Variants in THBS4 observed in about 807,000 individuals in gnomAD.
THBS4 encodes the protein thrombospondin 4, also known as thrombospondin-4.
THBS4 carries 90 observed loss-of-function variants against 115.7 expected under a neutral mutation model. The observed-to-expected ratio is 0.78, with a 90% confidence interval of 0.66 to 0.93. The LOEUF is 0.93. THBS4 is among the 40% of genes least tolerant of loss of function. The probability of loss-of-function intolerance (pLI) is 0.00; values close to 1 mark genes in which losing one functional copy is unlikely to be tolerated. For synonymous variants in THBS4, 460 were observed against 479.3 expected (o/e 0.96, Z 0.53); for missense variants, 1,087 against 1,232.7 (o/e 0.88, Z 1.77).
rs566281901 is a variant in THBS4 at position 80,003,473 on chromosome 5, C to A, written n.177+5046C>A. Among the ~76,000 whole-genome samples the A allele has an allele frequency of 2.0e-5, 3 of 152,222 alleles. No homozygotes were observed. The East Asian group carries it at 5.8e-4, about 29-fold the overall frequency. On this transcript the variant is annotated intron_variant and non_coding_transcript_variant, in intron 2 of 3. Coordinates refer to the THBS4 transcript ENST00000510218. ...ATGCTGTTTTCCTTATCAATTCTTA[C>A]CCTGATTGAGTAGCTCTCTACCTGT...
intron 2 of THBS4, among the ~76,000 whole-genome samples, chr5:80,000,699 CA>C (rs1200593785): frequency 2.0e-5 from 3 of 152,000 alleles, no homozygotes; most frequent in Non-Finnish European, 2.9e-5. Context: ...CGCTGAAAAC[CA>C]AAAGGATAAG....
intron 2 of THBS4, among the ~76,000 whole-genome samples, chr5:80,025,756 C>T (rs1189972272): frequency 6.6e-6 from 1 of 152,178 alleles, no homozygotes; most frequent in African/African-American, 2.4e-5. Context: ...TTCTGAGGTC[C>T]TCCACGCGTT....
chr5:80,022,474 C>T (rs879774004), intron 2 of THBS4, among the ~76,000 whole-genome samples: 3 of 152,068 alleles, frequency 2.0e-5, no homozygotes, highest in Non-Finnish European at 2.9e-5. Context: ...TGGTTACAAC[C>T]ACAAGCAAGT....
intron 2 of THBS4, among the ~76,000 whole-genome samples, chr5:80,015,957 G>C (rs1364878825): frequency 6.6e-6 from 1 of 152,214 alleles, no homozygotes; most frequent in Non-Finnish European, 1.5e-5. Flanking sequence ...AGCAACAAGG[G>C]TGATGTTTAA....
At chr5:80,008,802 T>C (rs1012419101) in intron 2 of THBS4, among the ~76,000 whole-genome samples, 2 of 152,194 alleles carry the variant, frequency 1.3e-5, no homozygotes, top group Admixed American at 6.5e-5. Context: ...CTAGACATTG[T>C]CAGATGTCTG....
At chr5:80,034,736 C>T (rs3813667), upstream of THBS4, among the ~76,000 whole-genome samples, 45,753 of 152,084 alleles carry the variant, frequency 0.3, 6,998 homozygotes, top group Middle Eastern at 0.38. Flanking sequence ...TGTGTTTTAT[C>T]TCCATTAAAA....
intron 20 of THBS4, chr5:80,080,313 G>T (rs770192571): frequency 3.3e-4 from 171 of 514,374 alleles, no homozygotes; most frequent in Non-Finnish European, 5.3e-4. Context: ...GAGCAGAGCT[G>T]AGGGGACGAC....
chr5:80,078,324 C>A, intron 17 of THBS4, 97 bp downstream of exon 17: 1 of 1,084,412 alleles, frequency 9.2e-7, no homozygotes, highest in Non-Finnish European at 1.3e-6. Flanking sequence ...GACAATAAGC[C>A]AGGCATTCTT....
At chr5:80,048,631 G>GAT (rs1026658026) in intron 2 of THBS4, among the ~76,000 whole-genome samples, 27 of 87,200 alleles carry the variant, frequency 3.1e-4, no homozygotes, top group African/African-American at 1.1e-3. Context: ...TCACTAGATA[G>GAT]ATGTGTGTGT....
rs1743354768 is a variant in THBS4 at position 80,078,973 on chromosome 5, T to C, written c.2314+4T>C. The C allele has an allele frequency of 6.2e-7, 1 of 1,614,158 alleles. No homozygotes were observed. Among genetic ancestry groups the C allele is most frequent in the East Asian group, 2.2e-5 (1 of 44,868 alleles). ...AGTGATCCTGGCCTGGCAGTGGGTA[T>C]GTCCAGGGCCTCAGTTGCCACTCAC... On this transcript the variant is annotated splice_donor_region_variant and intron_variant, in intron 18 of 21. Coordinates refer to ENST00000350881, the MANE Select transcript of THBS4 (RefSeq NM_003248.6).
At chr5:80,055,088 G>C (rs1561312166) in intron 2 of THBS4, among the ~76,000 whole-genome samples, 1 of 151,968 alleles carries the variant, frequency 6.6e-6, no homozygotes. Context: ...TTGGGAGGCC[G>C]AGGCAGGTGG....
At chr5:80,002,117 T>C (rs1274024349) in intron 2 of THBS4, among the ~76,000 whole-genome samples, 2 of 152,234 alleles carry the variant, frequency 1.3e-5, no homozygotes, top group Non-Finnish European at 2.9e-5. Context: ...CCATGCAGTC[T>C]GCTTTTGTTA....
intron 2 of THBS4, among the ~76,000 whole-genome samples, chr5:80,030,008 A>G (rs903899653): frequency 1.3e-5 from 2 of 152,046 alleles, no homozygotes; most frequent in Non-Finnish European, 2.9e-5. Context: ...ATTGCACACT[A>G]ATCAAAAGAC....
At chr5:80,051,636 C>A (rs1164958649) in intron 2 of THBS4, among the ~76,000 whole-genome samples, 1 of 152,138 alleles carries the variant, frequency 6.6e-6, no homozygotes, top group African/African-American at 2.4e-5. Flanking sequence ...AGTATGAACA[C>A]AATAGGAGGT....
In THBS4 at chr5:80,040,114, C is replaced by T. The variant is rs1832847494; in HGVS notation, c.126C>T (p.Asn42=). Residue 42 remains asparagine, a synonymous_variant, in exon 2 of 22, where the codon AAC becomes AAT. Transcript: ENST00000350881. The part of the protein sequence containing the change: ...DLLPSSSQRL[N]PGALLPVLTD... The stretch of plus-strand genomic sequence containing the variant: ...TCCCATCTTCCAGTCAGAGGCTAAA[C>T]CCAGGCGCTCTGCTGCCAGTCCTGA... The T allele has an allele frequency of 1.9e-6, 3 of 1,613,960 alleles. No homozygotes were observed. The highest frequency in any genetic ancestry group is 2.7e-5 in the African/African-American group (2 of 74,874).
rs771836899 is a variant in THBS4 at position 80,079,137 on chromosome 5, G to A, written c.2390G>A (p.Gly797Asp). 2 of 1,614,182 alleles carry A rather than the reference G, an allele frequency of 1.2e-6. No homozygotes were observed. The highest frequency in any genetic ancestry group is 3.3e-5 in the Admixed American group (2 of 60,026). The change falls in exon 19 of 22, where the codon GGC becomes GAC. Residue 797 changes from glycine (G) to aspartate (D), a missense_variant. Gly to Asp is a moderately conservative substitution (Grantham distance 94). This residue lies in a region of THBS4 where 979 missense variants were observed against 1,103.7 expected (regional missense o/e 0.89). Transcript: ENST00000350881. ...ACCCAGACAGATGATGACTATGCAG[G>A]CTTTATCTTTGGCTACCAAGATAGC... ...VNTQTDDDYA[G>D]FIFGYQDSSS...
In THBS4 at chr5:80,058,719, C is replaced by T. The variant is rs903634933; in HGVS notation, c.661C>T (p.Arg221Trp). The change falls in exon 5 of 22, where the codon CGG becomes TGG. Residue 221 changes from arginine (R) to tryptophan (W), a missense_variant. This residue lies in a region of THBS4 where 979 missense variants were observed against 1,103.7 expected (regional missense o/e 0.89). Transcript: ENST00000350881. ...LAATGTGDFN[R>W]QFLGQMTQLN... The stretch of plus-strand genomic sequence containing the variant: ...TGCTGTTCCTACAGGGGACTTTAAC[C>T]GGCAGTTCTTGGGTCAAATGACACA... 41 of 1,614,000 alleles carry T rather than the reference C, an allele frequency of 2.5e-5. No homozygotes were observed. Among genetic ancestry groups the T allele is most frequent in the Non-Finnish European group, 3.0e-5 (35 of 1,180,014 alleles).
rs368868871 is a variant in THBS4, at chr5:80,073,217, T to G, written c.1840-58T>G. On this transcript the variant is annotated intron_variant, in intron 14 of 21. Transcript: ENST00000350881. ...GATGATGGGTGAGGTCTGCCTTCTC[T>G]GGAACATTCGGTACATGCAGGCCCA... 15 of 1,569,678 alleles carry G rather than the reference T, an allele frequency of 9.6e-6. No individual in the cohort carries two copies. The African/African-American group carries it at 1.8e-4, about 18-fold the overall frequency.
intron 2 of THBS4, among the ~76,000 whole-genome samples, chr5:80,024,229 T>G (rs891606721): frequency 6.6e-6 from 1 of 152,178 alleles, no homozygotes; most frequent in Non-Finnish European, 1.5e-5. Context: ...AACAGAACCA[T>G]TAAATGGCTT....
Sources: allele counts gnomAD v4.1 joint callset (sites outside exome capture counted in the v4.1 genomes callset), GRCh38; gene constraint gnomAD v4.1.1; regional missense constraint gnomAD v4.1.1; transcripts MANE v1.5; gene names NCBI Gene and HGNC (gene_info 2026-07-23, HGNC 2026-07-21).